PDZD7: variants seen among roughly 807,000 people sequenced by gnomAD.
The protein encoded by PDZD7 is PDZ domain-containing protein 7.
A neutral mutation model predicts 84.7 loss-of-function variants in PDZD7; 72 were observed. The ratio of observed to expected loss-of-function variants is 0.85; its 90% CI spans 0.70 to 1.03. The LOEUF (loss-of-function observed/expected upper bound fraction) is 1.03, where lower values mean the gene tolerates loss of function less well. PDZD7 is among the 50% of genes least tolerant of loss of function. The pLI is 0.00. For synonymous variants in PDZD7, 594 were observed against 580.7 expected, an observed-to-expected ratio of 1.02 and a Z score of -0.33; for missense variants, 1,490 against 1,412.9, an observed-to-expected ratio of 1.05 and a Z score of -0.87.
chr10:101,009,276 C>T lies in PDZD7; in HGVS notation c.2692G>A (p.Ala898Thr), dbSNP rs767680954. Residue 898 changes from alanine (A) to threonine (T), a missense_variant, in exon 16 of 17, where the codon GCC becomes ACC. Ala to Thr is a moderately conservative substitution (Grantham distance 58). Coordinates refer to ENST00000619208, the MANE Select transcript of PDZD7 (RefSeq NM_001195263.2). ...TGCAGGGCCCCACTGAGGAAAGCGGCCCCCCCAGGGAAGATCTTCTCTATC... is the reference window on the plus strand; with the variant it reads ...TGCAGGGCCCCACTGAGGAAAGCGGTCCCCCCAGGGAAGATCTTCTCTATC... Reference protein sequence around the residue: ...VKIEKIFPGGAAFLSGALQAG... With the variant: ...VKIEKIFPGGTAFLSGALQAG... 2.6e-6 allele frequency: 4 copies of T among 1,535,294 alleles called. No individual in the cohort carries two copies. In the Admixed American group the frequency reaches 5.9e-5, roughly 23 times the overall value.
At chr10:101,027,443 G>GTCC (rs928276924) in intron 2 of PDZD7, among the ~76,000 whole-genome samples, 3 of 152,142 alleles carry the variant, frequency 2.0e-5, no homozygotes, top group African/African-American at 7.2e-5. Flanking sequence ...TTCCTGGAGT[G>GTCC]TCCTCCCTTC....
chr10:101,010,468 C>A lies in PDZD7; in HGVS notation c.2421G>T (p.Met807Ile). 1 of 1,535,874 alleles carries A rather than the reference C, an allele frequency of 6.5e-7. No homozygotes were observed. Among genetic ancestry groups the A allele is most frequent in the Non-Finnish European group, 8.7e-7 (1 of 1,146,748 alleles). Residue 807 changes from methionine to isoleucine, a missense_variant, in exon 15 of 17, where the codon ATG becomes ATT. By Grantham distance (10) the Met-to-Ile change is conservative. Transcript: ENST00000619208. ...GAGGCTTGTGGTAGCGCCCATTGGT[C>A]ATGCTGGGGGCAGGGGTAGGCACCG... is the stretch of plus-strand genomic sequence containing the variant. Reference protein sequence around the residue: ...PSPVPTPAPSMTNGRYHKPRK... With the variant: ...PSPVPTPAPSITNGRYHKPRK...
chr10:101,023,881 T>A, intron 3 of PDZD7, 47 bp downstream of exon 3: 2 of 1,613,982 alleles, frequency 1.2e-6, no homozygotes, highest in Non-Finnish European at 1.7e-6. Context: ...TCACTGAGAT[T>A]GGAGTCACAT....
chr10:101,016,385 A>G lies in PDZD7; in HGVS notation c.1565T>C (p.Leu522Pro). The G allele has an allele frequency of 6.4e-7, 1 of 1,550,686 alleles. No homozygotes were observed. The highest frequency in any genetic ancestry group is 8.7e-7 in the Non-Finnish European group (1 of 1,146,998). ...GPVQKFVTWRLRRDQERGRAL... is the reference protein window; with the variant it reads ...GPVQKFVTWRPRRDQERGRAL... Reference sequence around the variant, plus strand: ...AGGGATGCATGAATTACCACGTCTCAGTCTCCAGGTGACAAACTTCTGTAC... The same window carrying G: ...AGGGATGCATGAATTACCACGTCTCGGTCTCCAGGTGACAAACTTCTGTAC... Residue 522 changes from leucine to proline, a missense_variant, in exon 10 of 17, where the codon CTG becomes CCG. Leu to Pro is a moderately conservative substitution (Grantham distance 98, BLOSUM62 -3). Coordinates refer to ENST00000619208, the MANE Select transcript of PDZD7 (RefSeq NM_001195263.2).
At chr10:101,020,398 G>A (rs1853016852) in intron 7 of PDZD7, among the ~76,000 whole-genome samples, 2 of 152,122 alleles carry the variant, frequency 1.3e-5, no homozygotes, top group African/African-American at 2.4e-5. Context: ...GAGCCATCGC[G>A]GCCGGCTTAA....
rs1448008531 is a variant in PDZD7, at chr10:101,017,795, AAAAG to A, written c.1522+300_1522+303del. On this transcript the variant is annotated intron_variant, in intron 9 of 16. Coordinates refer to ENST00000619208, the MANE Select transcript of PDZD7 (RefSeq NM_001195263.2). The stretch of plus-strand genomic sequence containing the variant: ...GAGCAAAACTCCATCTCAAAAAAAA[AAAAG>A]AAAGAAAAAGAAAGAAAGGAAAGAA... 13 of 467,792 alleles carry A rather than the reference AAAAG, an allele frequency of 2.8e-5. No homozygotes were observed. The East Asian group carries it at 3.0e-4, about 11-fold the overall frequency. The allele number at this position is 467,792 out of a possible 1,614,324, so 29.0% of individuals were successfully genotyped here.
chr10:101,012,851 T>C (rs1852444682), intron 11 of PDZD7, among the ~76,000 whole-genome samples: 1 of 152,178 alleles, frequency 6.6e-6, no homozygotes, highest in Admixed American at 6.5e-5. Context: ...ATAGGAGCCT[T>C]GGGGAAGGGC....
chr10:101,024,283 A>T (rs1011744643), intron 2 of PDZD7, among the ~76,000 whole-genome samples: 1 of 152,168 alleles, frequency 6.6e-6, no homozygotes. Context: ...TTGCTCTGTC[A>T]TCCAGGCTGG....
intron 4 of PDZD7, among the ~76,000 whole-genome samples, chr10:101,022,592 A>G (rs1030265289): frequency 6.8e-6 from 1 of 146,020 alleles, no homozygotes; most frequent in African/African-American, 2.5e-5. Flanking sequence ...TGCCAGGACC[A>G]TTCCTTTTTT....
chr10:101,029,957 T>TC, intron 2 of PDZD7, 37 bp downstream of exon 2: 1 of 732,880 alleles, frequency 1.4e-6, no homozygotes, highest in Non-Finnish European at 2.4e-6. Context: ...ACCCCCACCC[T>TC]CCCCAACCCA....
At chr10:101,030,611 C>T in intron 1 of PDZD7, 1 of 388,492 alleles carries the variant, frequency 2.6e-6, no homozygotes, top group Non-Finnish European at 4.9e-6. Context: ...CTGCTCGGGG[C>T]TGAGTCATCT....
intron 11 of PDZD7, among the ~76,000 whole-genome samples, chr10:101,014,671 G>GACACACACAC (rs3051191): frequency 0.015 from 2,178 of 149,100 alleles, 60 homozygotes; most frequent in Admixed American, 0.068. Flanking sequence ...ACAATGCATG[G>GACACACACAC]ACACACACAC....
chr10:101,027,217 G>T (rs1937765716), intron 2 of PDZD7, among the ~76,000 whole-genome samples: 1 of 152,012 alleles, frequency 6.6e-6, no homozygotes, highest in African/African-American at 2.4e-5. Context: ...TGCCCTATAA[G>T]GCCCTGCCTG....
intron 4 of PDZD7, chr10:101,023,166 AG>A (rs1853226493): frequency 4.6e-6 from 2 of 430,690 alleles, no homozygotes; most frequent in Non-Finnish European, 8.6e-6. Context: ...CCCTGTAGAG[AG>A]GTGGTGTTTT....
At chr10:101,018,044 T>C (rs1190874975) in intron 9 of PDZD7, 55 bp downstream of exon 9, 1 of 1,610,874 alleles carries the variant, frequency 6.2e-7, no homozygotes, top group Non-Finnish European at 8.5e-7. Context: ...AACTGCTGAA[T>C]GCCGAAGCTA....
Position 101,023,696 on chromosome 10 carries a change from C to T in PDZD7, c.368-86G>A. 3.3e-6 allele frequency: 5 copies of T among 1,528,970 alleles called. No homozygotes were observed. The South Asian group carries it at 5.7e-5, about 17-fold the overall frequency. 94.7% of individuals were successfully genotyped at this position (1,528,970 alleles called of 1,614,324 possible). A position where few individuals can be genotyped will look rare whatever the true frequency, so the allele number is the denominator to read the frequency against. ...TCAGATGGAGCTCCCTGGGGTCAAA[C>T]TGAGCTTCTCAATCAGAGTGAGGAT... On this transcript the variant is annotated intron_variant, in intron 3 of 16. Coordinates refer to ENST00000619208, the MANE Select transcript of PDZD7 (RefSeq NM_001195263.2).
rs1314112712 is a variant in PDZD7 at position 101,021,722 on chromosome 10, C to T, written c.867+76G>A. On this transcript the variant is annotated intron_variant, in intron 6 of 16. Coordinates refer to ENST00000619208, the MANE Select transcript of PDZD7 (RefSeq NM_001195263.2). Reference sequence around the variant, plus strand: ...TGTGGGAACGTCATAAATTGCAGAGCATTATTAAGAACTAGGGTGGTCTGG... The same window carrying T: ...TGTGGGAACGTCATAAATTGCAGAGTATTATTAAGAACTAGGGTGGTCTGG... 1.3e-5 allele frequency: 21 copies of T among 1,598,564 alleles called. No individual in the cohort carries two copies. In the Middle Eastern group the frequency reaches 2.3e-3, roughly 176 times the overall value.
chr10:101,017,088 C>G (rs1852663562), intron 9 of PDZD7, among the ~76,000 whole-genome samples: 1 of 152,162 alleles, frequency 6.6e-6, no homozygotes, highest in Admixed American at 6.5e-5. Flanking sequence ...GTACATGACC[C>G]AGGCTGGCCA....
chr10:101,010,725 C>T lies in PDZD7; in HGVS notation c.2164G>A (p.Val722Ile). The T allele has an allele frequency of 6.6e-7, 1 of 1,519,756 alleles. No individual in the cohort carries two copies. Among genetic ancestry groups the T allele is most frequent in the Non-Finnish European group, 8.8e-7 (1 of 1,142,502 alleles). The allele number at this position is 1,519,756 out of a possible 1,614,324, so 94.1% of individuals were successfully genotyped here. ...KGIPPLQDVP[V>I]DAFTPLRIAC... ...ATTCGGAGGGGGGTGAAGGCATCTA[C>T]TGGCACGTCTTGTAGAGGGGGGATC... The change falls in exon 15 of 17, where the codon GTA (valine) becomes ATA (isoleucine). Residue 722 changes from valine (V) to isoleucine (I), a missense_variant. Transcript: ENST00000619208.
Sources: gnomAD v4.1 joint callset for allele counts (sites outside exome capture counted in the v4.1 genomes callset) on GRCh38, gnomAD v4.1.1 for gene constraint, MANE v1.5 for transcripts, NCBI Gene and HGNC (gene_info 2026-07-23, HGNC 2026-07-21) for gene names.